FZR1: variants seen among roughly 807,000 people sequenced by gnomAD.
The protein encoded by FZR1 is fizzy-related protein homolog.
FZR1 carries 11 observed loss-of-function variants against 63.6 expected under a neutral mutation model. That is an observed-to-expected ratio of 0.17 (90% CI 0.11 to 0.29). FZR1 has a LOEUF of 0.29. FZR1 is among the 10% of genes least tolerant of loss of function. The pLI is 1.00. For synonymous variants in FZR1, 328 were observed against 297.9 expected (o/e 1.10, Z -1.04); for missense variants, 440 against 687.5 (o/e 0.64, Z 4.03).
At chr19:3,508,165 CG>C (rs144181890) in intron 1 of FZR1, among the ~76,000 whole-genome samples, 5,799 of 143,738 alleles carry the variant, frequency 0.04, 442 homozygotes, top group African/African-American at 0.14. Context: ...ACAGACAAGC[CG>C]GATTGGTCTT....
At chr19:3,517,856 CTTTT>C (rs763347330) in intron 1 of FZR1, among the ~76,000 whole-genome samples, 1 of 137,026 alleles carries the variant, frequency 7.3e-6, no homozygotes. Context: ...AAACAAAGTT[CTTTT>C]TTTTTTTTTT....
chr19:3,513,019 C>T (rs751533596), intron 1 of FZR1, among the ~76,000 whole-genome samples: 1 of 152,116 alleles, frequency 6.6e-6, no homozygotes, highest in Non-Finnish European at 1.5e-5. Context: ...GGACATCACG[C>T]CCAGGCACCC....
At chr19:3,523,923 C>G (rs1465504626) in intron 2 of FZR1, among the ~76,000 whole-genome samples, 1 of 152,238 alleles carries the variant, frequency 6.6e-6, no homozygotes, top group East Asian at 1.9e-4. Context: ...GGGAGCCCAC[C>G]ACAGCCGCCT....
In FZR1 at chr19:3,533,527, A is replaced by G; in HGVS notation, c.1347+129A>G. 2 of 637,112 alleles carry G rather than the reference A, an allele frequency of 3.1e-6. No homozygotes were observed. The highest frequency in any genetic ancestry group is 1.8e-5 in the South Asian group (1 of 55,668). 39.5% of individuals were successfully genotyped at this position (637,112 alleles called of 1,614,324 possible). On this transcript the variant is annotated intron_variant, in intron 12 of 13. Coordinates refer to ENST00000441788, the MANE Select transcript of FZR1 (RefSeq NM_016263.4). This position sits in a 1 kb window ranked among gnomAD's most constrained non-coding sequence, Gnocchi z 4.9. ...GATCTAAAACCCCGTGGGACCCAGCAGCAGGGGCCGGCAGGGCATCTGGTG... is the reference window on the plus strand; with the variant it reads ...GATCTAAAACCCCGTGGGACCCAGCGGCAGGGGCCGGCAGGGCATCTGGTG...
At chr19:3,530,219 TGGATGGGTGAGC>T (rs1334823975) in intron 7 of FZR1, among the ~76,000 whole-genome samples, 3 of 74,392 alleles carry the variant, frequency 4.0e-5, no homozygotes, top group African/African-American at 5.6e-5. Context: ...GATGGGAGAG[TGGATGGGTGAGC>T]GGATGGGAGA....
At chr19:3,518,935 C>T (rs1008907071) in intron 1 of FZR1, among the ~76,000 whole-genome samples, 5 of 152,246 alleles carry the variant, frequency 3.3e-5, no homozygotes, top group Non-Finnish European at 7.3e-5. Flanking sequence ...TTGATTTTCT[C>T]CCACTACCTC....
At chr19:3,530,553 G>A (rs575032628) in intron 7 of FZR1, among the ~76,000 whole-genome samples, 1 of 149,858 alleles carries the variant, frequency 6.7e-6, no homozygotes, top group East Asian at 2.0e-4. Flanking sequence ...TGGGAGAGCA[G>A]ATGGGAGAGT....
At chr19:3,518,379 G>A (rs1221020661) in intron 1 of FZR1, among the ~76,000 whole-genome samples, 1 of 152,146 alleles carries the variant, frequency 6.6e-6, no homozygotes, top group African/African-American at 2.4e-5. Flanking sequence ...GTTCTTTAAC[G>A]AGTAAGATTT....
chr19:3,534,651 TGTGTC>T, intron 13 of FZR1, 138 bp downstream of exon 13: 1 of 902,262 alleles, frequency 1.1e-6, no homozygotes. Flanking sequence ...TTCTGGGTCA[TGTGTC>T]GGGGCAGTGT....
At position 3,537,243 on chromosome 19, in the gene FZR1, T is replaced by A. The variant is rs1382580582; in HGVS notation, c.*2407T>A. ...GAGGTGGAGGGGCCCCAGGGGAGTG[T>A]ACGTCAGGCTTTGCGGGGCACGGGG... On this transcript the variant is annotated 3_prime_UTR_variant, in exon 14 of 14. Transcript: ENST00000441788. The A allele has an allele frequency of 2.0e-5, 3 of 152,240 alleles. No homozygotes were observed. The highest frequency in any genetic ancestry group is 4.4e-5 in the Non-Finnish European group (3 of 68,092). The allele number at this position is 152,240 out of a possible 1,614,324, so 9.4% of individuals were successfully genotyped here. A position where few individuals can be genotyped will look rare whatever the true frequency, so the allele number is the denominator to read the frequency against.
intron 1 of FZR1, among the ~76,000 whole-genome samples, chr19:3,521,779 C>T (rs538599171): frequency 2.6e-5 from 4 of 152,140 alleles, no homozygotes; most frequent in Admixed American, 6.5e-5. Context: ...GGATTACAGG[C>T]GTGAGCCACC....
rs1241697266 is a variant in FZR1, at chr19:3,514,322, C to A, written c.-35+7848C>A. ...CTCTGCAGGTCTCGCTCATTCAAGTCACTTCCCTGGTTTTGCCCGAGAGCA... is the reference window on the plus strand; with the variant it reads ...CTCTGCAGGTCTCGCTCATTCAAGTAACTTCCCTGGTTTTGCCCGAGAGCA... On this transcript the variant is annotated intron_variant, in intron 1 of 13. Transcript: ENST00000441788. The surrounding 1 kb of genome is among the most constrained non-coding windows in gnomAD (Gnocchi z 4.2). Among the ~76,000 whole-genome samples the A allele has an allele frequency of 6.6e-6, 1 of 152,196 alleles. No homozygotes were observed. The highest frequency in any genetic ancestry group is 1.9e-4 in the East Asian group (1 of 5,192).
At chr19:3,518,275 C>T (rs2083073768) in intron 1 of FZR1, among the ~76,000 whole-genome samples, 2 of 152,164 alleles carry the variant, frequency 1.3e-5, no homozygotes, top group Non-Finnish European at 2.9e-5. Flanking sequence ...CAGCCCCCCA[C>T]AGTGCCTCTG....
Position 3,526,261 on chromosome 19 carries a change from G to A in FZR1, c.262G>A (p.Gly88Ser), listed in dbSNP as rs777457646. Residue 88 changes from glycine (G) to serine (S), a missense_variant and splice_region_variant, in exon 5 of 14, where the codon GGC (glycine) becomes AGC (serine). Gly to Ser is a moderately conservative substitution (Grantham distance 56). Around this residue, in one of 5 missense-constraint regions of FZR1, gnomAD observed 200 missense variants for 245.1 expected, o/e 0.82. Transcript: ENST00000441788. This position sits in a 1 kb window ranked among gnomAD's most constrained non-coding sequence, Gnocchi z 5.4. ...CTCACTGTGCTTGGTGCCCGCAGAC[G>A]GCCTGGCCTACTCTGCCCTGCTCAA... Reference protein sequence around the residue: ...KDATSDNGKDGLAYSALLKNE... With the variant: ...KDATSDNGKDSLAYSALLKNE... 7.4e-6 allele frequency: 12 copies of A among 1,611,342 alleles called. No individual in the cohort carries two copies. Among genetic ancestry groups the A allele is most frequent in the Admixed American group, 3.3e-5 (2 of 59,880 alleles).
chr19:3,531,942 G>C lies in FZR1; in HGVS notation c.855G>C (p.Ser285=). The C allele has an allele frequency of 6.3e-7, 1 of 1,591,812 alleles. No individual in the cohort carries two copies. Among genetic ancestry groups the C allele is most frequent in the African/African-American group, 1.3e-5 (1 of 74,850 alleles). The part of the protein sequence containing the change: ...GALAWNAEQL[S]SGSRDRMILQ... ...TGGCCTGGAATGCTGAGCAGCTGTC[G>C]TCCGGGAGCCGCGACCGCATGATCC... is the stretch of plus-strand genomic sequence containing the variant. The change falls in exon 10 of 14, where the codon TCG becomes TCC. Residue 285 remains serine (S), a synonymous_variant. Transcript: ENST00000441788.
intron 2 of FZR1, among the ~76,000 whole-genome samples, chr19:3,524,878 C>A (rs1472769285): frequency 2.6e-5 from 4 of 152,170 alleles, no homozygotes; most frequent in African/African-American, 9.7e-5. Flanking sequence ...TCAGGGCTCA[C>A]CCTAATGGCT....
rs575624290 is a variant in FZR1, at chr19:3,514,873, C to T, written c.-34-8083C>T. Among the ~76,000 whole-genome samples the T allele has an allele frequency of 3.9e-5, 6 of 152,326 alleles. No individual in the cohort carries two copies. The highest frequency in any genetic ancestry group is 1.4e-4 in the African/African-American group (6 of 41,572). ...CATTTCCCAGGGGAACAGGAAGAAG[C>T]TCGAGACTGAAGGCTTGCCCGGGGC... On this transcript the variant is annotated intron_variant, in intron 1 of 13. Coordinates refer to ENST00000441788, the MANE Select transcript of FZR1 (RefSeq NM_016263.4). The surrounding 1 kb of genome is among the most constrained non-coding windows in gnomAD (Gnocchi z 4.2).
Position 3,532,086 on chromosome 19 carries a change from C to T in FZR1, c.999C>T (p.Asn333=), listed in dbSNP as rs1002017728. The change falls in exon 10 of 14, where the codon AAC becomes AAT. Residue 333 remains asparagine (N), a synonymous_variant. Transcript: ENST00000441788. ...ACCAGCTCCTCGCCTCGGGGGGCAACGACAACAAGGTACCCCCGCCCAGAG... is the reference window on the plus strand; with the variant it reads ...ACCAGCTCCTCGCCTCGGGGGGCAATGACAACAAGGTACCCCCGCCCAGAG... ...TDHQLLASGG[N]DNKLLVWNHS... 20 of 1,511,402 alleles carry T rather than the reference C, an allele frequency of 1.3e-5. No homozygotes were observed. The highest frequency in any genetic ancestry group is 9.9e-5 in the East Asian group (4 of 40,476). 93.6% of individuals were successfully genotyped at this position (1,511,402 alleles called of 1,614,324 possible).
intron 1 of FZR1, among the ~76,000 whole-genome samples, chr19:3,519,516 C>T (rs2083083091): frequency 6.6e-6 from 1 of 152,186 alleles, no homozygotes; most frequent in South Asian, 2.1e-4. Context: ...CTCTTGGAGT[C>T]TGAGCAGGGG....
Sources: allele counts gnomAD v4.1 joint callset (sites outside exome capture counted in the v4.1 genomes callset), GRCh38; gene constraint gnomAD v4.1.1; regional missense constraint gnomAD v4.1.1; non-coding constraint Gnocchi (gnomAD v3.1); transcripts MANE v1.5; gene names NCBI Gene and HGNC (gene_info 2026-07-23, HGNC 2026-07-21).